The following ABCC1 variants were observed in gnomAD, a reference collection of about 807,000 sequenced individuals.
The protein encoded by ABCC1 is multidrug resistance-associated protein 1.
Under a neutral mutation model 172.9 loss-of-function variants are expected in ABCC1, and 83 were observed. That is an observed-to-expected ratio of 0.48 (90% CI 0.40 to 0.58). The LOEUF (loss-of-function observed/expected upper bound fraction) is 0.58, where lower values mean the gene tolerates loss of function less well. Ranked by LOEUF, ABCC1 falls within the 20% of genes least tolerant of loss-of-function variation. The pLI, the probability that ABCC1 is intolerant of heterozygous loss-of-function variation, is 0.00. For missense variants in ABCC1, 1,817 were observed against 2,002.7 expected, an observed-to-expected ratio of 0.91 and a Z score of 1.77; for synonymous variants, 937 against 825.2, an observed-to-expected ratio of 1.14 and a Z score of -2.32.
At chr16:16,047,090 C>T (rs1465814403) in intron 9 of ABCC1, among the ~76,000 whole-genome samples, 1 of 152,064 alleles carries the variant, frequency 6.6e-6, no homozygotes, top group Non-Finnish European at 1.5e-5. Flanking sequence ...CCCGTCTACT[C>T]AGGAGATTGA....
At chr16:16,057,203 G>GA (rs926935310) in intron 12 of ABCC1, among the ~76,000 whole-genome samples, 9 of 113,612 alleles carry the variant, frequency 7.9e-5, no homozygotes, top group Non-Finnish European at 1.1e-4. Flanking sequence ...AAAAAAGAAA[G>GA]AAAAAAAAAG....
At chr16:16,062,929 A>G (rs1236014913) in intron 12 of ABCC1, among the ~76,000 whole-genome samples, 2 of 151,888 alleles carry the variant, frequency 1.3e-5, no homozygotes, top group Non-Finnish European at 2.9e-5. Flanking sequence ...AATATTTAAC[A>G]TTTTCTGTCT....
At chr16:15,953,129 G>A (rs1281161211) in intron 1 of ABCC1, among the ~76,000 whole-genome samples, 7 of 151,796 alleles carry the variant, frequency 4.6e-5, no homozygotes, top group African/African-American at 1.7e-4. Flanking sequence ...TGAGGTCAGG[G>A]GTTCAAGACC....
chr16:15,991,867 C>T (rs1247801519), intron 1 of ABCC1, among the ~76,000 whole-genome samples: 1 of 152,128 alleles, frequency 6.6e-6, no homozygotes, highest in East Asian at 1.9e-4. Flanking sequence ...CTAGGATCTT[C>T]TCCTAGGGTC....
At chr16:15,975,529 T>C (rs1440462612) in intron 1 of ABCC1, among the ~76,000 whole-genome samples, 2 of 148,636 alleles carry the variant, frequency 1.3e-5, no homozygotes, top group African/African-American at 4.9e-5. Flanking sequence ...CTTTTATTTA[T>C]GTTTTGTGGT....
At position 15,949,690 on chromosome 16, in the gene ABCC1, C is replaced by G. The variant is rs1031025132; in HGVS notation, c.-62C>G. 6 of 1,015,004 alleles carry G rather than the reference C, an allele frequency of 5.9e-6. No individual in the cohort carries two copies. The African/African-American group carries it at 1.0e-4, about 18-fold the overall frequency. 62.9% of individuals were successfully genotyped at this position (1,015,004 alleles called of 1,614,324 possible). A position where few individuals can be genotyped will look rare whatever the true frequency, so the allele number is the denominator to read the frequency against. On this transcript the variant is annotated 5_prime_UTR_variant, in exon 1 of 31. Transcript: ENST00000399410. ...CCGCCGCCCGGTGCCCGCCGCCGCC[C>G]GCGCCAGCAACCGGGCCCGATCACC... is the stretch of plus-strand genomic sequence containing the variant.
chr16:15,996,185 A>G (rs1173678497), intron 1 of ABCC1, among the ~76,000 whole-genome samples: 6 of 151,352 alleles, frequency 4.0e-5, no homozygotes, highest in Admixed American at 2.0e-4. Flanking sequence ...GGGTTTCACT[A>G]TGTTGGCCAG....
intron 12 of ABCC1, among the ~76,000 whole-genome samples, chr16:16,066,649 A>G (rs1352311560): frequency 6.6e-6 from 1 of 151,858 alleles, no homozygotes; most frequent in Non-Finnish European, 1.5e-5. Flanking sequence ...CTGTAATCCC[A>G]GCATTTTGGG....
At chr16:16,021,274 T>C (rs2048183112) in intron 5 of ABCC1, among the ~76,000 whole-genome samples, 1 of 152,082 alleles carries the variant, frequency 6.6e-6, no homozygotes, top group South Asian at 2.1e-4. Flanking sequence ...GACTGATGTA[T>C]GCACAGATGT....
At chr16:16,009,257 C>A (rs1191935292) in intron 2 of ABCC1, among the ~76,000 whole-genome samples, 1 of 152,174 alleles carries the variant, frequency 6.6e-6, no homozygotes, top group Admixed American at 6.6e-5. Context: ...GGCCTGTATT[C>A]ACTGATTTTT....
Position 16,102,641 on chromosome 16 carries a change from A to G in ABCC1, c.2659A>G (p.Ser887Gly), listed in dbSNP as rs567850671. The change falls in exon 20 of 31, where the codon AGC (serine) becomes GGC (glycine). Residue 887 changes from serine (S) to glycine (G), a missense_variant. By Grantham distance (56) the Ser-to-Gly change is moderately conservative. Coordinates refer to ENST00000399410, the MANE Select transcript of ABCC1 (RefSeq NM_004996.4). ...TCTTCTGCCAGGGGTCACGGGCGTC[A>G]GCGGTCCAGGGAAGGAAGCAAAGCA... is the stretch of plus-strand genomic sequence containing the variant. ...DAEENGVTGV[S>G]GPGKEAKQME... 2.5e-6 allele frequency: 4 copies of G among 1,584,596 alleles called. No homozygotes were observed. In the South Asian group the frequency reaches 3.5e-5, roughly 14 times the overall value.
intron 25 of ABCC1, among the ~76,000 whole-genome samples, 154 bp from the exon 26 acceptor site, chr16:16,125,656 C>T (rs899804408): frequency 6.6e-6 from 1 of 151,828 alleles, no homozygotes; most frequent in Non-Finnish European, 1.5e-5. Context: ...TGGTCTCAAA[C>T]CCCTGACCTC....
chr16:16,131,428 C>T (rs897588569), intron 26 of ABCC1, among the ~76,000 whole-genome samples: 20 of 152,156 alleles, frequency 1.3e-4, no homozygotes, highest in African/African-American at 3.6e-4. Context: ...CCCTGGGATA[C>T]AGCAGTGAAC....
At chr16:16,111,719 C>A in intron 22 of ABCC1, 137 bp downstream of exon 22, 1 of 722,930 alleles carries the variant, frequency 1.4e-6, no homozygotes, top group South Asian at 1.8e-5. Flanking sequence ...TGGTAGCTGT[C>A]AGCTAGTAGA....
intron 18 of ABCC1, among the ~76,000 whole-genome samples, chr16:16,088,069 A>G (rs952531881): frequency 6.6e-6 from 1 of 152,206 alleles, no homozygotes. Flanking sequence ...GCCCATTGTA[A>G]CAAAATTGAA....
At chr16:16,004,657 CTTTTTTTTT>C (rs66530759) in intron 1 of ABCC1, among the ~76,000 whole-genome samples, 1 of 112,164 alleles carries the variant, frequency 8.9e-6, no homozygotes, top group Admixed American at 1.0e-4. Context: ...GTAAGGTTTA[CTTTTTTTTT>C]TTTTTTTTTT....
At chr16:16,070,305 C>G (rs1384919601) in intron 13 of ABCC1, among the ~76,000 whole-genome samples, 2 of 150,386 alleles carry the variant, frequency 1.3e-5, no homozygotes, top group Non-Finnish European at 3.0e-5. Context: ...GAGTTTGAGG[C>G]TGCAGTGAGT....
chr16:16,064,043 A>G (rs1462358833), intron 12 of ABCC1, among the ~76,000 whole-genome samples: 1 of 152,198 alleles, frequency 6.6e-6, no homozygotes, highest in African/African-American at 2.4e-5. Context: ...CAGTTCCCCC[A>G]GAGAAAATTG....
intron 16 of ABCC1, among the ~76,000 whole-genome samples, chr16:16,082,300 G>A (rs972493922): frequency 6.6e-6 from 1 of 152,050 alleles, no homozygotes; most frequent in African/African-American, 2.4e-5. Flanking sequence ...ACATATGTTT[G>A]AGCTGAGCAT....
Sources: gnomAD v4.1 joint callset for allele counts (sites outside exome capture counted in the v4.1 genomes callset) on GRCh38, gnomAD v4.1.1 for gene constraint, MANE v1.5 for transcripts, NCBI Gene and HGNC (gene_info 2026-07-23, HGNC 2026-07-21) for gene names.